LAMA2: variants seen among roughly 807,000 people sequenced by gnomAD.
LAMA2 encodes the protein laminin subunit alpha-2.
In LAMA2, 269 loss-of-function variants were observed where a neutral mutation model predicts 364.8. The ratio of observed to expected loss-of-function variants is 0.74; its 90% confidence interval spans 0.67 to 0.82. The LOEUF (loss-of-function observed/expected upper bound fraction) is 0.82, where lower values mean the gene tolerates loss of function less well. LAMA2 is among the 40% of genes least tolerant of loss of function. LAMA2 has a pLI of 0.00. For missense variants in LAMA2, 3,807 were observed against 3,873.2 expected (o/e 0.98, Z 0.45); for synonymous variants, 1,379 against 1,370.6 (o/e 1.01, Z -0.14).
At chr6:129,173,290 G>A (rs901075175) in intron 9 of LAMA2, among the ~76,000 whole-genome samples, 3 of 152,072 alleles carry the variant, frequency 2.0e-5, no homozygotes, top group African/African-American at 7.2e-5. Context: ...TTGACTCTCC[G>A]TCTTGAAAGG....
chr6:129,223,204 G>T (rs1490557859), intron 12 of LAMA2, among the ~76,000 whole-genome samples: 1 of 152,038 alleles, frequency 6.6e-6, no homozygotes, highest in African/African-American at 2.4e-5. Flanking sequence ...TTTTTTTCTT[G>T]TAAGTTTGTT....
intron 16 of LAMA2, among the ~76,000 whole-genome samples, chr6:129,267,466 G>T (rs1324735994): frequency 6.6e-6 from 1 of 151,942 alleles, no homozygotes; most frequent in Non-Finnish European, 1.5e-5. Flanking sequence ...ATTTTTATAA[G>T]GCATAACTTC....
At chr6:129,421,536 G>T (rs532984547) in intron 40 of LAMA2, among the ~76,000 whole-genome samples, 1 of 152,226 alleles carries the variant, frequency 6.6e-6, no homozygotes, top group African/African-American at 2.4e-5. Context: ...CTTAGAAAAT[G>T]CTGCTTCATC....
intron 4 of LAMA2, among the ~76,000 whole-genome samples, chr6:129,134,056 A>T (rs1466284931): frequency 6.6e-6 from 1 of 152,206 alleles, no homozygotes; most frequent in African/African-American, 2.4e-5. Flanking sequence ...ATTTTAAACA[A>T]GTGTTCCCAC....
chr6:129,197,596 A>G (rs1292553030), intron 12 of LAMA2, among the ~76,000 whole-genome samples: 1 of 152,196 alleles, frequency 6.6e-6, no homozygotes, highest in Non-Finnish European at 1.5e-5. Flanking sequence ...CCAAGCTGTA[A>G]CCCAGTCATC....
chr6:129,357,816 ATGAT>A (rs1377136930), intron 32 of LAMA2, among the ~76,000 whole-genome samples: 1 of 152,034 alleles, frequency 6.6e-6, no homozygotes, highest in Non-Finnish European at 1.5e-5. Flanking sequence ...ATAATCAAAA[ATGAT>A]TAATAATGGC....
intron 40 of LAMA2, among the ~76,000 whole-genome samples, chr6:129,422,022 A>C (rs1781097597): frequency 6.6e-6 from 1 of 151,962 alleles, no homozygotes; most frequent in African/African-American, 2.4e-5. Flanking sequence ...CCTTACTCGC[A>C]CATTCAAACC....
intron 1 of LAMA2, among the ~76,000 whole-genome samples, chr6:128,963,130 C>T (rs926334862): frequency 6.6e-6 from 1 of 152,096 alleles, no homozygotes; most frequent in Admixed American, 6.6e-5. Context: ...TCTGGTGTAT[C>T]TCTGAAGTGT....
intron 2 of LAMA2, 65 bp downstream of exon 2, chr6:129,050,153 C>G (rs989634055): frequency 7.0e-5 from 105 of 1,495,226 alleles, no homozygotes; most frequent in Non-Finnish European, 9.7e-5. Context: ...ATGTTGAGGC[C>G]AAGTTGCATT....
intron 62 of LAMA2, 101 bp from the exon 63 acceptor site, chr6:129,512,262 G>A: frequency 8.7e-7 from 1 of 1,145,868 alleles, no homozygotes; most frequent in Non-Finnish European, 1.3e-6. Flanking sequence ...GAATTAGCTA[G>A]CATTTGAATT....
intron 9 of LAMA2, among the ~76,000 whole-genome samples, chr6:129,169,948 A>G (rs1232625591): frequency 6.0e-5 from 9 of 150,502 alleles, no homozygotes; most frequent in Admixed American, 1.3e-4. Context: ...GTTTATTTGC[A>G]TAGAGGTGTT....
chr6:129,334,487 G>T (rs556315335), intron 29 of LAMA2, among the ~76,000 whole-genome samples: 1 of 152,262 alleles, frequency 6.6e-6, no homozygotes, highest in East Asian at 1.9e-4. Flanking sequence ...TGATCATAAA[G>T]ATGATAATTA....
intron 5 of LAMA2, among the ~76,000 whole-genome samples, chr6:129,146,393 A>G (rs1295477234): frequency 6.6e-6 from 1 of 152,044 alleles, no homozygotes; most frequent in Non-Finnish European, 1.5e-5. Context: ...TGTATGGACT[A>G]TATTACATAG....
chr6:129,380,279 T>A lies in LAMA2; in HGVS notation c.4960-2843T>A, dbSNP rs576252850. ...GAACAAAATCTTTTTTTGAGAATGT[T>A]CCAAAAGGAAGTAGGCAAGAAGAAT... On this transcript the variant is annotated intron_variant, in intron 34 of 64. Coordinates refer to ENST00000421865, the MANE Select transcript of LAMA2 (RefSeq NM_000426.4). Among the ~76,000 whole-genome samples, 16 of 152,230 alleles carry A rather than the reference T, an allele frequency of 1.1e-4. No individual in the cohort carries two copies. The East Asian group carries it at 2.7e-3, about 26-fold the overall frequency.
intron 14 of LAMA2, among the ~76,000 whole-genome samples, chr6:129,257,036 T>A (rs1316146744): frequency 6.6e-6 from 1 of 151,800 alleles, no homozygotes; most frequent in African/African-American, 2.4e-5. Flanking sequence ...TCCATCATCT[T>A]TTCTGTATTT....
At chr6:128,970,564 A>C (rs1227627086) in intron 1 of LAMA2, among the ~76,000 whole-genome samples, 1 of 152,230 alleles carries the variant, frequency 6.6e-6, no homozygotes, top group Non-Finnish European at 1.5e-5. Context: ...ATTAAGAATA[A>C]ATATTTTTAT....
intron 32 of LAMA2, among the ~76,000 whole-genome samples, chr6:129,356,363 A>G (rs927585125): frequency 5.9e-5 from 9 of 152,068 alleles, no homozygotes; most frequent in African/African-American, 1.7e-4. Context: ...CCCTTTTACC[A>G]CACAGGGTTC....
intron 1 of LAMA2, among the ~76,000 whole-genome samples, chr6:128,908,214 C>T (rs1425917199): frequency 6.7e-6 from 1 of 149,282 alleles, no homozygotes; most frequent in Non-Finnish European, 1.5e-5. Flanking sequence ...GGAATGGTAC[C>T]AGTTCCTCCT....
intron 4 of LAMA2, among the ~76,000 whole-genome samples, chr6:129,142,938 T>A (rs545702329): frequency 9.7e-4 from 147 of 152,132 alleles, no homozygotes; most frequent in Middle Eastern, 6.8e-3. Context: ...TTTGTGCATT[T>A]TGTTATGGTG....
Sources: gnomAD v4.1 joint callset for allele counts (sites outside exome capture counted in the v4.1 genomes callset) on GRCh38, gnomAD v4.1.1 for gene constraint, MANE v1.5 for transcripts, NCBI Gene and HGNC (gene_info 2026-07-23, HGNC 2026-07-21) for gene names.